The following RPF2 variants were observed in gnomAD, a reference collection of about 807,000 sequenced individuals.
The protein encoded by RPF2 is brix domain containing 1.
In RPF2, 21 loss-of-function variants were observed where a neutral mutation model predicts 38.9. The observed-to-expected ratio is 0.54, with a 90% confidence interval of 0.38 to 0.78. The LOEUF (loss-of-function observed/expected upper bound fraction) is 0.78. Among genes scored for constraint, RPF2 ranks in the 30% least tolerant of loss-of-function variants. The pLI is 0.00. For synonymous variants in RPF2, 121 were observed against 126.2 expected (o/e 0.96, Z 0.28); for missense variants, 314 against 358.1 (o/e 0.88, Z 0.99).
intron 3 of RPF2, among the ~76,000 whole-genome samples, 177 bp from the exon 4 acceptor site, chr6:110,991,570 G>C (rs1457332336): frequency 6.6e-6 from 1 of 152,058 alleles, no homozygotes; most frequent in Non-Finnish European, 1.5e-5. Context: ...TAATGTAGTA[G>C]TATAGTATCA....
intron 1 of RPF2, among the ~76,000 whole-genome samples, chr6:110,984,313 G>C (rs1163276895): frequency 6.6e-6 from 1 of 151,942 alleles, no homozygotes; most frequent in Non-Finnish European, 1.5e-5. Context: ...TTAGGGTACA[G>C]GATACAGTTT....
At position 111,024,268 on chromosome 6, in the gene RPF2, A is replaced by T. The variant is rs1316862057; in HGVS notation, c.682A>T (p.Thr228Ser). 2 of 1,612,198 alleles carry T rather than the reference A, an allele frequency of 1.2e-6. No homozygotes were observed. The highest frequency in any genetic ancestry group is 1.7e-6 in the Non-Finnish European group (2 of 1,179,902). ...CTCATTGGATCTGGTTCTGAGGAGG[A>T]CACACCTGGCATCGGATGACCTTTA... ...GPSLDLVLRRTHLASDDLYKL... is the reference protein window; with the variant it reads ...GPSLDLVLRRSHLASDDLYKL... Residue 228 changes from threonine (T) to serine (S), a missense_variant, in exon 9 of 10, where the codon ACA becomes TCA. Thr to Ser is a moderately conservative substitution (Grantham distance 58, BLOSUM62 1). Transcript: ENST00000441448.
At chr6:111,017,431 A>G (rs189700708) in intron 8 of RPF2, among the ~76,000 whole-genome samples, 23,442 of 126,364 alleles carry the variant, frequency 0.19, 2,381 homozygotes, top group East Asian at 0.55. Flanking sequence ...CGGCTGCCGG[A>G]TGGGGGGGCT....
Position 110,989,202 on chromosome 6 carries a change from C to A in RPF2, c.194+137C>A. 3.3e-6 allele frequency: 3 copies of A among 915,888 alleles called. No homozygotes were observed. The South Asian group carries it at 7.9e-5, about 24-fold the overall frequency. 56.7% of individuals were successfully genotyped at this position (915,888 alleles called of 1,614,324 possible). On this transcript the variant is annotated intron_variant, in intron 3 of 9. Coordinates refer to ENST00000441448, the MANE Select transcript of RPF2 (RefSeq NM_032194.3). ...CTTACAGTTATTAATATTTTAATTT[C>A]TTTCTTTTGGTCTGTTTTTTTCATT... is the stretch of plus-strand genomic sequence containing the variant.
At chr6:110,990,568 C>CGG (rs1771602341) in intron 3 of RPF2, among the ~76,000 whole-genome samples, 1 of 134,326 alleles carries the variant, frequency 7.4e-6, no homozygotes, top group Non-Finnish European at 1.6e-5. Flanking sequence ...AACCCCCCCC[C>CGG]CCCCCACCTT....
chr6:110,998,385 C>T (rs533262899), intron 5 of RPF2, among the ~76,000 whole-genome samples: 11 of 152,122 alleles, frequency 7.2e-5, no homozygotes, highest in Admixed American at 1.3e-4. Context: ...TGCTTGAGCC[C>T]ACCCACCCAA....
At chr6:111,011,260 A>T (rs1772006875) in intron 7 of RPF2, among the ~76,000 whole-genome samples, 1 of 151,584 alleles carries the variant, frequency 6.6e-6, no homozygotes. Context: ...TATATATCCC[A>T]AATTATCAAG....
intron 8 of RPF2, among the ~76,000 whole-genome samples, chr6:111,020,774 C>T (rs761419296): frequency 6.6e-6 from 1 of 151,998 alleles, no homozygotes; most frequent in Non-Finnish European, 1.5e-5. Context: ...TGCAGGAGAA[C>T]CCGGGAGGCA....
At chr6:110,989,158 T>A (rs1282791190) in intron 3 of RPF2, 93 bp downstream of exon 3, 79 of 1,239,962 alleles carry the variant, frequency 6.4e-5, no homozygotes, top group Non-Finnish European at 8.1e-5. Flanking sequence ...AAAAACTTTT[T>A]AAAAAGATAT....
intron 1 of RPF2, among the ~76,000 whole-genome samples, chr6:110,984,006 G>A (rs1771479120): frequency 6.6e-6 from 1 of 152,126 alleles, no homozygotes; most frequent in Non-Finnish European, 1.5e-5. Flanking sequence ...TCCAGCCTGG[G>A]CGACAGAGCG....
chr6:111,010,530 C>T (rs1771993891), intron 7 of RPF2, among the ~76,000 whole-genome samples: 1 of 152,206 alleles, frequency 6.6e-6, no homozygotes, highest in South Asian at 2.1e-4. Context: ...ACTCTCAAAG[C>T]AGCAGTCCTT....
chr6:111,016,004 G>T, intron 8 of RPF2, 148 bp downstream of exon 8: 1 of 636,830 alleles, frequency 1.6e-6, no homozygotes, highest in Admixed American at 2.7e-5. Flanking sequence ...GCAGCTCTGT[G>T]CTGATCCTCA....
intron 6 of RPF2, among the ~76,000 whole-genome samples, chr6:111,000,957 G>T (rs1168515123): frequency 6.6e-6 from 1 of 152,172 alleles, no homozygotes; most frequent in Non-Finnish European, 1.5e-5. Flanking sequence ...TAGCAAAAAT[G>T]TATAATTACT....
At chr6:111,002,794 G>A (rs886835539) in intron 6 of RPF2, among the ~76,000 whole-genome samples, 16 of 150,922 alleles carry the variant, frequency 1.1e-4, no homozygotes, top group African/African-American at 3.4e-4. Flanking sequence ...TTGAGAGGGA[G>A]TTTTGCTCTT....
intron 4 of RPF2, among the ~76,000 whole-genome samples, chr6:110,994,998 G>A (rs957186814): frequency 2.0e-5 from 3 of 151,898 alleles, no homozygotes; most frequent in Non-Finnish European, 2.9e-5. Flanking sequence ...TCCACCTCCC[G>A]GGTTCAAGCG....
At chr6:111,010,855 T>A (rs891088034) in intron 7 of RPF2, among the ~76,000 whole-genome samples, 24 of 152,142 alleles carry the variant, frequency 1.6e-4, no homozygotes, top group African/African-American at 5.5e-4. Flanking sequence ...TTATAATTTT[T>A]AGGGGAAAAA....
At chr6:110,999,232 A>G (rs556916065) in intron 5 of RPF2, among the ~76,000 whole-genome samples, 1 of 152,072 alleles carries the variant, frequency 6.6e-6, no homozygotes, top group Non-Finnish European at 1.5e-5. Context: ...CCCAAATAGC[A>G]TGGATCCATT....
chr6:110,985,016 A>T lies in RPF2; in HGVS notation c.34A>T (p.Thr12Ser), dbSNP rs778708991. 1 of 1,611,706 alleles carries T rather than the reference A, an allele frequency of 6.2e-7. No individual in the cohort carries two copies. The highest frequency in any genetic ancestry group is 8.5e-7 in the Non-Finnish European group (1 of 1,179,718). The change falls in exon 2 of 10, where the codon ACG (threonine) becomes TCG (serine). Residue 12 changes from threonine (T) to serine (S), a missense_variant. Thr to Ser is a moderately conservative substitution (Grantham distance 58). Coordinates refer to ENST00000441448, the MANE Select transcript of RPF2 (RefSeq NM_032194.3). ...DTLDRVVKPKTKRAKRFLEKR... is the reference protein window; with the variant it reads ...DTLDRVVKPKSKRAKRFLEKR... ...TGCTTTTCTGAACAGAAAGCCCAAA[A>T]CGAAAAGAGCCAAGAGATTCCTTGA...
intron 8 of RPF2, among the ~76,000 whole-genome samples, chr6:111,021,382 T>C (rs1772232798): frequency 6.6e-6 from 1 of 152,172 alleles, no homozygotes; most frequent in African/African-American, 2.4e-5. Flanking sequence ...GCTATTAATT[T>C]GAAATAAAAA....
Sources: allele counts gnomAD v4.1 joint callset (sites outside exome capture counted in the v4.1 genomes callset), GRCh38; gene constraint gnomAD v4.1.1; transcripts MANE v1.5; gene names NCBI Gene and HGNC (gene_info 2026-07-23, HGNC 2026-07-21).